PHACTR3: variants seen among roughly 807,000 people sequenced by gnomAD.
The protein encoded by PHACTR3 is protein phosphatase 1, regulatory subunit 123.
PHACTR3 carries 16 observed loss-of-function variants against 66.8 expected under a neutral mutation model. The ratio of observed to expected loss-of-function variants is 0.24; its 90% CI spans 0.16 to 0.36. The LOEUF is 0.36. Ranked by LOEUF, PHACTR3 falls within the 10% of genes least tolerant of loss-of-function variation. The probability of loss-of-function intolerance (pLI) is 1.00; values close to 1 mark genes in which losing one functional copy is unlikely to be tolerated. For synonymous variants in PHACTR3, 323 were observed against 292.1 expected, an observed-to-expected ratio of 1.11 and a Z score of -1.08; for missense variants, 647 against 719.9, an observed-to-expected ratio of 0.90 and a Z score of 1.16.
chr20:59,836,473 G>T (rs1209951211), intron 8 of PHACTR3, 32 bp from the exon 9 acceptor site: 1 of 1,602,408 alleles, frequency 6.2e-7, no homozygotes, highest in South Asian at 1.1e-5. Flanking sequence ...AGCCACTATG[G>T]TGCAAAATGT....
At chr20:59,846,172 C>G (rs1216516240) in intron 12 of PHACTR3, among the ~76,000 whole-genome samples, 1 of 152,136 alleles carries the variant, frequency 6.6e-6, no homozygotes, top group African/African-American at 2.4e-5. Context: ...CATATAGATA[C>G]TGCCTTAAAC....
In PHACTR3 at chr20:59,661,365, G is replaced by C. The variant is rs79964386; in HGVS notation, c.118+56233G>C. Among the ~76,000 whole-genome samples the C allele has an allele frequency of 9.9e-5, 15 of 152,234 alleles. No homozygotes were observed. In the East Asian group the frequency reaches 1.7e-3, roughly 18 times the overall value. Reference sequence around the variant, plus strand: ...CCCATGAGTCTGGAAGGTGGGGAAGGGGGGAGCATGCACGTTGCTAATGGA... The same window carrying C: ...CCCATGAGTCTGGAAGGTGGGGAAGCGGGGAGCATGCACGTTGCTAATGGA... On this transcript the variant is annotated intron_variant, in intron 1 of 12. Transcript: ENST00000371015.
chr20:59,800,217 T>C (rs756267515), intron 7 of PHACTR3, among the ~76,000 whole-genome samples: 3 of 152,222 alleles, frequency 2.0e-5, no homozygotes, highest in Non-Finnish European at 4.4e-5. Flanking sequence ...AAAACAATTA[T>C]ATATTTACAC....
chr20:59,747,886 A>C (rs2039431481), intron 3 of PHACTR3, 51 bp downstream of exon 3: 1 of 1,581,244 alleles, frequency 6.3e-7, no homozygotes, highest in African/African-American at 1.3e-5. Flanking sequence ...GGGAATGCAG[A>C]ATGGAAAGTC....
chr20:59,695,873 C>T (rs1166983130), intron 1 of PHACTR3, among the ~76,000 whole-genome samples: 1 of 152,078 alleles, frequency 6.6e-6, no homozygotes, highest in Non-Finnish European at 1.5e-5. Flanking sequence ...GCTGGGACTA[C>T]AGGCTCACCT....
At chr20:59,810,666 T>G (rs1182529) in intron 8 of PHACTR3, among the ~76,000 whole-genome samples, 69,229 of 152,032 alleles carry the variant, frequency 0.46, 16,958 homozygotes, top group African/African-American at 0.65. Flanking sequence ...TGAGTGTTCC[T>G]GGGCCTTTTC....
intron 1 of PHACTR3, among the ~76,000 whole-genome samples, chr20:59,623,163 A>G (rs2146370658): frequency 6.6e-6 from 1 of 151,970 alleles, no homozygotes; most frequent in South Asian, 2.1e-4. Flanking sequence ...GCTTTTTAAA[A>G]CTGGAAAAGT....
At chr20:59,583,923 T>C (rs1430344198) in intron 1 of PHACTR3, among the ~76,000 whole-genome samples, 10 of 152,240 alleles carry the variant, frequency 6.6e-5, no homozygotes, top group Non-Finnish European at 1.3e-4. Context: ...CAGGGACGGT[T>C]CACGCGTGGA....
intron 1 of PHACTR3, among the ~76,000 whole-genome samples, chr20:59,739,303 G>C (rs57453893): frequency 0.016 from 2,438 of 152,238 alleles, 65 homozygotes; most frequent in African/African-American, 0.054. Flanking sequence ...GCTTTGTGGA[G>C]CATCTGTGGA....
intron 7 of PHACTR3, among the ~76,000 whole-genome samples, chr20:59,799,138 C>A (rs2041341174): frequency 6.6e-6 from 1 of 151,950 alleles, no homozygotes; most frequent in East Asian, 1.9e-4. Context: ...CCACTCTGGT[C>A]AGAGAACATA....
intron 11 of PHACTR3, among the ~76,000 whole-genome samples, chr20:59,842,341 T>A (rs553954952): frequency 8.5e-5 from 13 of 152,324 alleles, no homozygotes; most frequent in Middle Eastern, 6.8e-3. Context: ...TTGTTCTTCA[T>A]TCTTCATATG....
intron 11 of PHACTR3, among the ~76,000 whole-genome samples, chr20:59,842,826 C>T (rs2059088771): frequency 6.6e-6 from 1 of 152,044 alleles, no homozygotes; most frequent in South Asian, 2.1e-4. Flanking sequence ...GTTGTCTTCC[C>T]ACTACAGTTC....
intron 7 of PHACTR3, among the ~76,000 whole-genome samples, chr20:59,804,884 A>G (rs1482303459): frequency 6.6e-6 from 1 of 152,168 alleles, no homozygotes; most frequent in Non-Finnish European, 1.5e-5. Flanking sequence ...ACTTCCTTTT[A>G]GGTACCATGT....
At chr20:59,816,019 A>G (rs56712535) in intron 8 of PHACTR3, among the ~76,000 whole-genome samples, 1 of 152,184 alleles carries the variant, frequency 6.6e-6, no homozygotes, top group East Asian at 1.9e-4. Context: ...TGTACAGTTT[A>G]TCTCTATTAT....
intron 10 of PHACTR3, among the ~76,000 whole-genome samples, chr20:59,840,784 C>T (rs2059044100): frequency 6.6e-6 from 1 of 152,214 alleles, no homozygotes; most frequent in South Asian, 2.1e-4. Context: ...TCACATTTTA[C>T]ACTCATCGCT....
At chr20:59,780,166 G>A (rs114552428) in intron 7 of PHACTR3, among the ~76,000 whole-genome samples, 1 of 152,128 alleles carries the variant, frequency 6.6e-6, no homozygotes, top group African/African-American at 2.4e-5. Context: ...GAGCCCCCCA[G>A]CTGCCTGTGC....
intron 1 of PHACTR3, among the ~76,000 whole-genome samples, chr20:59,647,681 A>C (rs1484874159): frequency 6.6e-6 from 1 of 152,152 alleles, no homozygotes; most frequent in African/African-American, 2.4e-5. Context: ...AATGAATGCC[A>C]TTATTATCAC....
chr20:59,759,891 C>G (rs1279639403), intron 4 of PHACTR3, among the ~76,000 whole-genome samples: 1 of 152,188 alleles, frequency 6.6e-6, no homozygotes, highest in African/African-American at 2.4e-5. Context: ...ACCTGCTTCT[C>G]TCCTTGACCT....
chr20:59,776,788 C>T (rs1488960433), intron 7 of PHACTR3, among the ~76,000 whole-genome samples: 3 of 59,940 alleles, frequency 5.0e-5, no homozygotes, highest in Non-Finnish European at 1.5e-4. Context: ...CACAGAGTTT[C>T]TGCACTGGAG....
Sources: gnomAD v4.1 joint callset for allele counts (sites outside exome capture counted in the v4.1 genomes callset) on GRCh38, gnomAD v4.1.1 for gene constraint, MANE v1.5 for transcripts, NCBI Gene and HGNC (gene_info 2026-07-23, HGNC 2026-07-21) for gene names.